The following ZEB2 variants were observed in gnomAD, a reference collection of about 807,000 sequenced individuals.
The protein encoded by ZEB2 is zinc finger E-box binding homeobox 2.
ZEB2 carries 6 observed loss-of-function variants against 99.9 expected under a neutral mutation model. The ratio of observed to expected loss-of-function variants is 0.06; its 90% CI spans 0.03 to 0.12. ZEB2 has a LOEUF of 0.12. Among genes scored for constraint, ZEB2 ranks in the 10% least tolerant of loss-of-function variants. The pLI is 1.00. For synonymous variants in ZEB2, 517 were observed against 542.5 expected, an observed-to-expected ratio of 0.95 and a Z score of 0.65; for missense variants, 969 against 1,502.8, an observed-to-expected ratio of 0.64 and a Z score of 5.87.
chr2:144,415,575 A>G (rs1328794106), intron 4 of ZEB2, among the ~76,000 whole-genome samples: 1 of 152,196 alleles, frequency 6.6e-6, no homozygotes, highest in Non-Finnish European at 1.5e-5. Context: ...CCACAGGGCC[A>G]TTCCTGCTTT....
intron 2 of ZEB2, chr2:144,511,479 G>C (rs1191979695): frequency 7.8e-7 from 1 of 1,276,488 alleles, no homozygotes; most frequent in Non-Finnish European, 1.0e-6. Context: ...CAAGATAAAA[G>C]TATTTGGCAC....
intron 2 of ZEB2, among the ~76,000 whole-genome samples, chr2:144,466,481 G>T (rs1169137633): frequency 6.6e-6 from 1 of 152,042 alleles, no homozygotes; most frequent in Non-Finnish European, 1.5e-5. Flanking sequence ...ATTCCAAAAT[G>T]CAACTATATA....
intron 1 of ZEB2, chr2:144,518,566 A>T (rs1394391008): frequency 6.6e-6 from 1 of 152,232 alleles, no homozygotes; most frequent in Non-Finnish European, 1.5e-5. Context: ...CTTTGCAGAA[A>T]ACCTGGAAAG....
intron 2 of ZEB2, among the ~76,000 whole-genome samples, chr2:144,457,011 C>T (rs937508503): frequency 6.6e-6 from 1 of 152,146 alleles, no homozygotes; most frequent in African/African-American, 2.4e-5. Context: ...GCAGCACCCC[C>T]CAAAGGTCTG....
At chr2:144,443,368 A>G (rs889088642) in intron 2 of ZEB2, among the ~76,000 whole-genome samples, 1 of 152,152 alleles carries the variant, frequency 6.6e-6, no homozygotes, top group East Asian at 1.9e-4. Flanking sequence ...GCAAATTCCA[A>G]TGTAAGCAAT....
At chr2:144,451,546 G>T (rs1463118316) in intron 2 of ZEB2, among the ~76,000 whole-genome samples, 2 of 152,128 alleles carry the variant, frequency 1.3e-5, no homozygotes, top group Non-Finnish European at 1.5e-5. Context: ...GGAAATTTTG[G>T]TTTTTCCATA....
intron 2 of ZEB2, among the ~76,000 whole-genome samples, chr2:144,437,829 T>C (rs1380080898): frequency 6.6e-6 from 1 of 152,176 alleles, no homozygotes; most frequent in Non-Finnish European, 1.5e-5. Flanking sequence ...TCAAAGCCCA[T>C]AAAAGGTGTA....
At chr2:144,392,137 T>G (rs998422451) in intron 9 of ZEB2, among the ~76,000 whole-genome samples, 3 of 152,190 alleles carry the variant, frequency 2.0e-5, no homozygotes, top group Non-Finnish European at 4.4e-5. Context: ...GAAGAGAAAT[T>G]ATAGATGAAA....
At chr2:144,441,368 T>C (rs1225566014) in intron 2 of ZEB2, among the ~76,000 whole-genome samples, 1 of 152,168 alleles carries the variant, frequency 6.6e-6, no homozygotes, top group African/African-American at 2.4e-5. Context: ...CAGTGCACTA[T>C]TGAGTTCATC....
chr2:144,519,775 T>A (rs1395311989), intron 1 of ZEB2, 164 bp downstream of exon 1: 1 of 349,850 alleles, frequency 2.9e-6, no homozygotes, highest in Non-Finnish European at 5.6e-6. Flanking sequence ...GAGAAAAGCT[T>A]GCCATAAAGG....
intron 2 of ZEB2, among the ~76,000 whole-genome samples, chr2:144,467,918 A>G (rs1349436439): frequency 6.6e-6 from 1 of 152,178 alleles, no homozygotes; most frequent in African/African-American, 2.4e-5. Context: ...TGTCAAGCGC[A>G]TTACGATTTA....
At chr2:144,502,531 C>T (rs767316347) in intron 2 of ZEB2, among the ~76,000 whole-genome samples, 3 of 152,126 alleles carry the variant, frequency 2.0e-5, no homozygotes, top group African/African-American at 4.8e-5. Context: ...ACCCACTGCG[C>T]GTTCCTTCAA....
At chr2:144,411,097 A>ATATATG (rs1553962757) in intron 4 of ZEB2, among the ~76,000 whole-genome samples, 23 of 99,124 alleles carry the variant, frequency 2.3e-4, no homozygotes, top group African/African-American at 6.9e-4. Flanking sequence ...ATATATATAT[A>ATATATG]TATGTATAAT....
At chr2:144,510,858 A>T (rs1270811807) in intron 2 of ZEB2, among the ~76,000 whole-genome samples, 5 of 152,288 alleles carry the variant, frequency 3.3e-5, no homozygotes, top group Non-Finnish European at 5.9e-5. Context: ...TTACTGGGAG[A>T]GACACAGCGG....
At chr2:144,451,326 A>G (rs1237332307) in intron 2 of ZEB2, among the ~76,000 whole-genome samples, 1 of 152,226 alleles carries the variant, frequency 6.6e-6, no homozygotes, top group African/African-American at 2.4e-5. Flanking sequence ...TCCAGTGCAG[A>G]AAAGATTTTT....
intron 2 of ZEB2, chr2:144,494,223 C>T (rs1704728876): frequency 6.7e-6 from 1 of 148,826 alleles, no homozygotes. Flanking sequence ...CACACATGCA[C>T]AGACCCAATT....
At chr2:144,449,457 A>T (rs1229409591) in intron 2 of ZEB2, among the ~76,000 whole-genome samples, 2 of 152,212 alleles carry the variant, frequency 1.3e-5, no homozygotes, top group African/African-American at 4.8e-5. Context: ...ATCCCTAAAA[A>T]ACAACAATGC....
At chr2:144,449,480 T>A (rs1266023711) in intron 2 of ZEB2, among the ~76,000 whole-genome samples, 1 of 152,188 alleles carries the variant, frequency 6.6e-6, no homozygotes, top group Non-Finnish European at 1.5e-5. Flanking sequence ...ACAAAACCCA[T>A]GAACACCTAT....
At chr2:144,513,766 C>G (rs1200512799) in intron 2 of ZEB2, 1 of 1,536,110 alleles carries the variant, frequency 6.5e-7, no homozygotes, top group East Asian at 2.4e-5. Context: ...CAGGGCATCT[C>G]CCGCTCCGAG....
Sources: allele counts gnomAD v4.1 joint callset (sites outside exome capture counted in the v4.1 genomes callset), GRCh38; gene constraint gnomAD v4.1.1; transcripts MANE v1.5; gene names NCBI Gene and HGNC (gene_info 2026-07-23, HGNC 2026-07-21).